ACO1: variants seen among roughly 807,000 people sequenced by gnomAD.
ACO1 encodes aconitase 1.
A neutral mutation model predicts 105.1 loss-of-function variants in ACO1; 78 were observed. That is an observed-to-expected ratio of 0.74 (90% CI 0.62 to 0.90). ACO1 has a LOEUF of 0.90. ACO1 is among the 40% of genes least tolerant of loss of function. The pLI is 0.00. For missense variants in ACO1, 965 were observed against 1,111.1 expected (o/e 0.87, Z 1.87); for synonymous variants, 364 against 397.4 (o/e 0.92, Z 1.00).
intron 19 of ACO1, among the ~76,000 whole-genome samples, chr9:32,442,045 C>T (rs916817575): frequency 6.6e-6 from 1 of 152,096 alleles, no homozygotes; most frequent in African/African-American, 2.4e-5. Flanking sequence ...TCTGCCCTCT[C>T]TCTGTAGCAG....
rs780340742 is a variant in ACO1, at chr9:32,425,837, G to T, written c.1189-1G>T. The T allele has an allele frequency of 3.1e-6, 5 of 1,603,542 alleles. No homozygotes were observed. Among genetic ancestry groups the T allele is most frequent in the Admixed American group, 3.4e-5 (2 of 59,308 alleles). On this transcript the variant is annotated splice_acceptor_variant, in intron 10 of 20. Transcript: ENST00000309951. LOFTEE classifies it high-confidence loss of function. Reference sequence around the variant, plus strand: ...ATAATATACATTTTTTCTTCCTTTAGCAAGGATTTAAAGGATTCCAAGTTG... The same window carrying T: ...ATAATATACATTTTTTCTTCCTTTATCAAGGATTTAAAGGATTCCAAGTTG...
chr9:32,415,258 G>T (rs1330881386), intron 4 of ACO1, among the ~76,000 whole-genome samples: 1 of 152,194 alleles, frequency 6.6e-6, no homozygotes, highest in Non-Finnish European at 1.5e-5. Flanking sequence ...GAAGCCATTG[G>T]TAGATTCAGA....
intron 1 of ACO1, among the ~76,000 whole-genome samples, chr9:32,404,277 C>T (rs886142853): frequency 1.3e-5 from 2 of 152,150 alleles, no homozygotes; most frequent in Admixed American, 1.3e-4. Context: ...GATTTCCCCC[C>T]ATTCACCCAG....
chr9:32,450,598 A>T lies in ACO1; in HGVS notation c.*487A>T, dbSNP rs1173711931. 1 of 173,922 alleles carries T rather than the reference A, an allele frequency of 5.7e-6. No individual in the cohort carries two copies. Among genetic ancestry groups the T allele is most frequent in the Non-Finnish European group, 1.2e-5 (1 of 81,494 alleles). The allele number at this position is 173,922 out of a possible 1,614,324, so 10.8% of individuals were successfully genotyped here. The stretch of plus-strand genomic sequence containing the variant: ...ATAAGAACTTTGCACACTTCAAATC[A>T]GAGCAGTGATTCTCTCTTCTCTCCC... On this transcript the variant is annotated 3_prime_UTR_variant, in exon 21 of 21. Coordinates refer to ENST00000309951, the MANE Select transcript of ACO1 (RefSeq NM_002197.3).
At chr9:32,399,049 C>T (rs1188535493) in intron 1 of ACO1, among the ~76,000 whole-genome samples, 2 of 152,156 alleles carry the variant, frequency 1.3e-5, no homozygotes, top group Non-Finnish European at 2.9e-5. Flanking sequence ...ATTCACTAGG[C>T]TCACAGTGCA....
At chr9:32,384,804 T>A (rs1221948207) in intron 1 of ACO1, 69 bp downstream of exon 1, 2 of 313,924 alleles carry the variant, frequency 6.4e-6, no homozygotes, top group Non-Finnish European at 6.7e-6. Flanking sequence ...CCCTCGAGAG[T>A]CGGTGCGGGC....
At position 32,384,692 on chromosome 9, in the gene ACO1, G is replaced by C. The variant is rs1174982409; in HGVS notation, c.-66G>C. The C allele has an allele frequency of 4.9e-6, 2 of 412,344 alleles. No homozygotes were observed. The highest frequency in any genetic ancestry group is 4.3e-5 in the African/African-American group (2 of 46,002). The allele number at this position is 412,344 out of a possible 1,614,324, so 25.5% of individuals were successfully genotyped here. A position where few individuals can be genotyped will look rare whatever the true frequency, so the allele number is the denominator to read the frequency against. ...CGCACGGGAACGCGTCCCGCTGCTTGGGTCAGGTTCGCCGGTCGCGGGAGC... is the reference window on the plus strand; with the variant it reads ...CGCACGGGAACGCGTCCCGCTGCTTCGGTCAGGTTCGCCGGTCGCGGGAGC... On this transcript the variant is annotated 5_prime_UTR_variant, in exon 1 of 21. Coordinates refer to ENST00000309951, the MANE Select transcript of ACO1 (RefSeq NM_002197.3).
intron 1 of ACO1, among the ~76,000 whole-genome samples, chr9:32,402,827 G>A (rs573937436): frequency 6.6e-6 from 1 of 152,308 alleles, no homozygotes; most frequent in East Asian, 1.9e-4. Flanking sequence ...ACCTTGAAGT[G>A]GCTCCAAATT....
At chr9:32,391,429 T>A (rs892005302) in intron 1 of ACO1, among the ~76,000 whole-genome samples, 2 of 152,218 alleles carry the variant, frequency 1.3e-5, no homozygotes, top group Non-Finnish European at 2.9e-5. Flanking sequence ...TGAAACAATA[T>A]CACACTCTCT....
intron 15 of ACO1, among the ~76,000 whole-genome samples, chr9:32,433,187 GATCCCTCCTGCCATCCTAGA>G: frequency 6.6e-6 from 1 of 152,124 alleles, no homozygotes; most frequent in Non-Finnish European, 1.5e-5. Context: ...CAGGAGGCAG[GATCCCTCCTGCCATCCTAGA>G]AGCTGCCTAT....
Position 32,440,490 on chromosome 9 carries a change from G to C in ACO1, c.2273G>C (p.Arg758Pro). The change falls in exon 19 of 21, where the codon CGG (arginine) becomes CCG (proline). Residue 758 changes from arginine to proline, a missense_variant. Arg to Pro is a moderately radical substitution (Grantham distance 103). Coordinates refer to ENST00000309951, the MANE Select transcript of ACO1 (RefSeq NM_002197.3). Reference protein sequence around the residue: ...EILDVFDAAERYQQAGLPLIV... With the variant: ...EILDVFDAAEPYQQAGLPLIV... ...CTTGATGTGTTTGATGCTGCTGAGCGGTACCAGCAGGCAGGCCTTCCCCTG... is the reference window on the plus strand; with the variant it reads ...CTTGATGTGTTTGATGCTGCTGAGCCGTACCAGCAGGCAGGCCTTCCCCTG... 1 of 1,613,912 alleles carries C rather than the reference G, an allele frequency of 6.2e-7. No individual in the cohort carries two copies. The highest frequency in any genetic ancestry group is 8.5e-7 in the Non-Finnish European group (1 of 1,179,908).
rs192538261 is a variant in ACO1 at position 32,426,918 on chromosome 9, G to A, written c.1349-383G>A. Among the ~76,000 whole-genome samples, 3 of 151,980 alleles carry A rather than the reference G, an allele frequency of 2.0e-5. No individual in the cohort carries two copies. In the East Asian group the frequency reaches 5.8e-4, roughly 29 times the overall value. On this transcript the variant is annotated intron_variant, in intron 11 of 20. Coordinates refer to ENST00000309951, the MANE Select transcript of ACO1 (RefSeq NM_002197.3). ...CACACAGCTGATATAGTTTCAGAAAGGGCTCCTTCAATGATGATTTTCATC... is the reference window on the plus strand; with the variant it reads ...CACACAGCTGATATAGTTTCAGAAAAGGCTCCTTCAATGATGATTTTCATC...
chr9:32,448,943 T>G lies in ACO1; in HGVS notation c.2418T>G (p.Ser806Arg), dbSNP rs777406462. ...AGAGCTACGAGCGCATTCACCGCAG[T>G]AACCTGGTTGGGATGGGTGTGATCC... ...LAESYERIHR[S>R]NLVGMGVIPL... Residue 806 changes from serine to arginine, a missense_variant, in exon 20 of 21, where the codon AGT becomes AGG. Ser to Arg is a moderately radical substitution (Grantham distance 110). Coordinates refer to ENST00000309951, the MANE Select transcript of ACO1 (RefSeq NM_002197.3). 1 of 1,614,246 alleles carries G rather than the reference T, an allele frequency of 6.2e-7. No homozygotes were observed. The highest frequency in any genetic ancestry group is 8.5e-7 in the Non-Finnish European group (1 of 1,180,042).
intron 8 of ACO1, among the ~76,000 whole-genome samples, chr9:32,421,510 T>C (rs187974421): frequency 3.3e-5 from 5 of 152,106 alleles, no homozygotes; most frequent in Non-Finnish European, 7.4e-5. Flanking sequence ...CCTGGCCCCA[T>C]ACAGGAACAG....
In ACO1 at chr9:32,384,689, C is replaced by T. The variant is rs1451531561; in HGVS notation, c.-69C>T. 1 of 412,268 alleles carries T rather than the reference C, an allele frequency of 2.4e-6. No homozygotes were observed. The highest frequency in any genetic ancestry group is 2.2e-5 in the African/African-American group (1 of 46,106). 25.5% of individuals were successfully genotyped at this position (412,268 alleles called of 1,614,324 possible). A position where few individuals can be genotyped will look rare whatever the true frequency, so the allele number is the denominator to read the frequency against. On this transcript the variant is annotated 5_prime_UTR_variant, in exon 1 of 21. Transcript: ENST00000309951. The stretch of plus-strand genomic sequence containing the variant: ...CAGCGCACGGGAACGCGTCCCGCTG[C>T]TTGGGTCAGGTTCGCCGGTCGCGGG...
At position 32,451,066 on chromosome 9, in the gene ACO1, CGATATAAGTACATAAGGAAAAGCA is replaced by C. The variant is rs1296305113; in HGVS notation, c.*960_*983del. On this transcript the variant is annotated 3_prime_UTR_variant, in exon 21 of 21. Coordinates refer to ENST00000309951, the MANE Select transcript of ACO1 (RefSeq NM_002197.3). ...AAGAGTAGCCTGGTGGCAGTGGCAACGATATAAGTACATAAGGAAAAGCAGATAAACTTCAGGACACTAAAAACC... is the reference window on the plus strand; with the variant it reads ...AAGAGTAGCCTGGTGGCAGTGGCAACGATAAACTTCAGGACACTAAAAACC... 2 of 148,610 alleles carry C rather than the reference CGATATAAGTACATAAGGAAAAGCA, an allele frequency of 1.3e-5. No individual in the cohort carries two copies. The highest frequency in any genetic ancestry group is 6.8e-5 in the Admixed American group (1 of 14,768). The allele number at this position is 148,610 out of a possible 1,614,324, so 9.2% of individuals were successfully genotyped here.
Position 32,433,773 on chromosome 9 carries a change from C to A in ACO1, c.1897C>A (p.Leu633Met). ...TGCCTTAGCAACCCCATCAGATAAG[C>A]TGTTTTTCTGGAATTCCAAATCTAC... ...WNALATPSDK[L>M]FFWNSKSTYI... Residue 633 changes from leucine to methionine, a missense_variant, in exon 16 of 21, where the codon CTG becomes ATG. By Grantham distance (15) the Leu-to-Met change is conservative. Transcript: ENST00000309951. 5 of 1,613,048 alleles carry A rather than the reference C, an allele frequency of 3.1e-6. No homozygotes were observed. The highest frequency in any genetic ancestry group is 4.2e-6 in the Non-Finnish European group (5 of 1,179,772).
intron 19 of ACO1, among the ~76,000 whole-genome samples, chr9:32,442,364 T>A (rs1393174028): frequency 6.6e-6 from 1 of 152,156 alleles, no homozygotes; most frequent in African/African-American, 2.4e-5. Context: ...GCTCCTAAAG[T>A]GACCCTGGTG....
chr9:32,390,628 T>G (rs1221046382), intron 1 of ACO1, among the ~76,000 whole-genome samples: 1 of 152,156 alleles, frequency 6.6e-6, no homozygotes, highest in Non-Finnish European at 1.5e-5. Context: ...TGGAGAAAAA[T>G]TTTGAGTATA....
Sources: gnomAD v4.1 joint callset for allele counts (sites outside exome capture counted in the v4.1 genomes callset) on GRCh38, gnomAD v4.1.1 for gene constraint, MANE v1.5 for transcripts, NCBI Gene and HGNC (gene_info 2026-07-23, HGNC 2026-07-21) for gene names.